YTHDC2: variants seen among roughly 807,000 people sequenced by gnomAD.
YTHDC2 encodes YTH N6-methyladenosine RNA binding protein C2.
A neutral mutation model predicts 174.9 loss-of-function variants in YTHDC2; 45 were observed. The ratio of observed to expected loss-of-function variants is 0.26; its 90% CI spans 0.20 to 0.33. The LOEUF is 0.33. Among genes scored for constraint, YTHDC2 ranks in the 10% least tolerant of loss-of-function variants. The pLI, the probability that YTHDC2 is intolerant of heterozygous loss-of-function variation, is 1.00. For missense variants in YTHDC2, 1,650 were observed against 1,723.7 expected, an observed-to-expected ratio of 0.96 and a Z score of 0.76; for synonymous variants, 657 against 574.5, an observed-to-expected ratio of 1.14 and a Z score of -2.05.
intron 24 of YTHDC2, 26 bp downstream of exon 24, chr5:113,579,721 A>C (rs576061587): frequency 1.9e-6 from 3 of 1,571,356 alleles, no homozygotes; most frequent in South Asian, 1.2e-5. Flanking sequence ...GTAGTGTAAT[A>C]AATTTCTTTC....
chr5:113,543,222 A>G (rs1275498544), intron 10 of YTHDC2, among the ~76,000 whole-genome samples: 1 of 152,192 alleles, frequency 6.6e-6, no homozygotes, highest in Admixed American at 6.5e-5. Context: ...TTAGGTGAAT[A>G]AAATTGGATA....
In YTHDC2 at chr5:113,591,241, C is replaced by T. The variant is rs148010171; in HGVS notation, c.4026C>T (p.Phe1342=). 4.1e-3 allele frequency: 6,585 copies of T among 1,613,688 alleles called. 27 individuals are homozygous for T. The highest frequency in any genetic ancestry group is 4.6e-3 in the Non-Finnish European group (5,447 of 1,179,744). The change falls in exon 27 of 30, where the codon TTC becomes TTT. Residue 1342 remains phenylalanine, a synonymous_variant. Transcript: ENST00000161863. ...TTTCTGTTCAAGGATCTGGACATTTCCAGGTGAGCCACCCTGAATCAGTAA... is the reference window on the plus strand; with the variant it reads ...TTTCTGTTCAAGGATCTGGACATTTTCAGGTGAGCCACCCTGAATCAGTAA... ...LVFSVQGSGH[F]QGFSRMSSEI... is the part of the protein sequence containing the mutation.
chr5:113,539,556 T>G (rs1775308095), intron 8 of YTHDC2, among the ~76,000 whole-genome samples: 1 of 152,230 alleles, frequency 6.6e-6, no homozygotes, highest in Non-Finnish European at 1.5e-5. Flanking sequence ...CAAACTTTGA[T>G]AAAAATGTTG....
Position 113,584,385 on chromosome 5 carries a change from C to T in YTHDC2, c.3731C>T (p.Thr1244Ile), listed in dbSNP as rs774096970. 1 of 1,613,910 alleles carries T rather than the reference C, an allele frequency of 6.2e-7. No individual in the cohort carries two copies. The highest frequency in any genetic ancestry group is 2.2e-5 in the East Asian group (1 of 44,858). ...GGAATTTTACATCCTAAACGAGGTA[C>T]TGAGGACCGATCAGATCAGTCTTCT... is the stretch of plus-strand genomic sequence containing the variant. ...DRGILHPKRG[T>I]EDRSDQSSLK... Residue 1244 changes from threonine to isoleucine, a missense_variant, in exon 26 of 30, where the codon ACT becomes ATT. Around this residue, in one of 5 missense-constraint regions of YTHDC2, gnomAD observed 913 missense variants for 940.4 expected, o/e 0.97. Transcript: ENST00000161863.
intron 25 of YTHDC2, chr5:113,583,169 A>G (rs1047213435): frequency 2.0e-5 from 3 of 152,196 alleles, no homozygotes; most frequent in African/African-American, 7.2e-5. Context: ...ATTTGAGACA[A>G]CTGAGGAAAT....
chr5:113,588,616 T>G (rs1016418938), intron 26 of YTHDC2, among the ~76,000 whole-genome samples: 3 of 151,154 alleles, frequency 2.0e-5, no homozygotes, highest in African/African-American at 7.3e-5. Flanking sequence ...ATTTATTTAT[T>G]TATTTATTTA....
chr5:113,565,788 C>A, intron 20 of YTHDC2, 105 bp from the exon 21 acceptor site: 1 of 1,201,718 alleles, frequency 8.3e-7, no homozygotes, highest in Non-Finnish European at 1.1e-6. Context: ...TAGAATAAGG[C>A]AAATTCACGT....
chr5:113,536,280 C>G (rs1775067912), intron 7 of YTHDC2, among the ~76,000 whole-genome samples: 1 of 152,160 alleles, frequency 6.6e-6, no homozygotes, highest in Non-Finnish European at 1.5e-5. Context: ...AATCCCAGCA[C>G]TTTGGGAGGC....
chr5:113,581,243 T>A (rs1354104414), intron 24 of YTHDC2, 174 bp from the exon 25 acceptor site: 2 of 551,268 alleles, frequency 3.6e-6, no homozygotes, highest in Middle Eastern at 5.1e-4. Flanking sequence ...GCCTAAAATA[T>A]TATAAATAAA....
intron 25 of YTHDC2, chr5:113,582,246 A>G (rs866802251): frequency 6.6e-6 from 1 of 152,188 alleles, no homozygotes; most frequent in African/African-American, 2.4e-5. Flanking sequence ...CCTCCAGAGG[A>G]TATACATTTG....
chr5:113,536,533 T>A (rs1033895958), intron 7 of YTHDC2, among the ~76,000 whole-genome samples: 1 of 151,882 alleles, frequency 6.6e-6, no homozygotes, highest in Non-Finnish European at 1.5e-5. Flanking sequence ...TCAAAAAAAA[T>A]AAATAAATAA....
intron 10 of YTHDC2, among the ~76,000 whole-genome samples, chr5:113,547,746 A>G (rs527629256): frequency 1.3e-5 from 2 of 152,304 alleles, no homozygotes; most frequent in South Asian, 4.1e-4. Context: ...GATAATGGAT[A>G]CCATGTTTCA....
At chr5:113,568,706 A>G (rs1326474995) in intron 23 of YTHDC2, among the ~76,000 whole-genome samples, 1 of 152,150 alleles carries the variant, frequency 6.6e-6, no homozygotes, top group Non-Finnish European at 1.5e-5. Flanking sequence ...ACATGATCTA[A>G]TTCCTTTTTA....
chr5:113,556,941 G>A (rs1217020843), intron 17 of YTHDC2, among the ~76,000 whole-genome samples: 2 of 152,156 alleles, frequency 1.3e-5, no homozygotes, highest in Non-Finnish European at 2.9e-5. Flanking sequence ...GTGGCTTTCT[G>A]GGTAGCTGTT....
chr5:113,549,109 A>G lies in YTHDC2; in HGVS notation c.1688+89A>G, dbSNP rs959933673. 8 of 1,115,196 alleles carry G rather than the reference A, an allele frequency of 7.2e-6. No individual in the cohort carries two copies. In the African/African-American group the frequency reaches 1.1e-4, roughly 16 times the overall value. The allele number at this position is 1,115,196 out of a possible 1,614,324, so 69.1% of individuals were successfully genotyped here. On this transcript the variant is annotated intron_variant, in intron 12 of 29. Coordinates refer to ENST00000161863, the MANE Select transcript of YTHDC2 (RefSeq NM_022828.5). ...ATTATGGGCTATTCAAATGTAGACCATTTATAGTCTTTTATCCAGAGATTT... is the reference window on the plus strand; with the variant it reads ...ATTATGGGCTATTCAAATGTAGACCGTTTATAGTCTTTTATCCAGAGATTT...
intron 16 of YTHDC2, among the ~76,000 whole-genome samples, chr5:113,555,126 C>G (rs142661491): frequency 0.012 from 1,750 of 151,908 alleles, 15 homozygotes; most frequent in Middle Eastern, 0.048. Flanking sequence ...AATGAAAATT[C>G]AGATTTTATT....
At chr5:113,555,447 A>G (rs1027729613) in intron 16 of YTHDC2, among the ~76,000 whole-genome samples, 8 of 152,152 alleles carry the variant, frequency 5.3e-5, no homozygotes, top group African/African-American at 1.7e-4. Context: ...ATTTCTCTAC[A>G]ATAAATTTTC....
intron 4 of YTHDC2, among the ~76,000 whole-genome samples, chr5:113,530,993 A>C (rs949608143): frequency 1.3e-5 from 2 of 151,698 alleles, no homozygotes; most frequent in African/African-American, 4.8e-5. Context: ...CCGCCCCCCA[A>C]CTCCTTCTCT....
At chr5:113,547,220 A>T (rs1242504750) in intron 10 of YTHDC2, among the ~76,000 whole-genome samples, 1 of 152,186 alleles carries the variant, frequency 6.6e-6, no homozygotes, top group Admixed American at 6.5e-5. Context: ...AAGGCCATGA[A>T]TTGAATATTC....
Sources: gnomAD v4.1 joint callset for allele counts (sites outside exome capture counted in the v4.1 genomes callset) on GRCh38, gnomAD v4.1.1 for gene constraint, gnomAD v4.1.1 regional missense constraint, MANE v1.5 for transcripts, NCBI Gene and HGNC (gene_info 2026-07-23, HGNC 2026-07-21) for gene names.